SLC6A4: variants seen among roughly 807,000 people sequenced by gnomAD.
SLC6A4 encodes the protein solute carrier family 6 member 4, also known as sodium-dependent serotonin transporter.
SLC6A4 carries 22 observed loss-of-function variants against 73.4 expected under a neutral mutation model. That is an observed-to-expected ratio of 0.30 (90% confidence interval 0.21 to 0.43). The LOEUF (loss-of-function observed/expected upper bound fraction) is 0.43, where lower values mean the gene tolerates loss of function less well. SLC6A4 is among the 20% of genes least tolerant of loss of function. The pLI, the probability that SLC6A4 is intolerant of heterozygous loss-of-function variation, is 1.00. For missense variants in SLC6A4, 593 were observed against 808.5 expected (o/e 0.73, Z 3.23); for synonymous variants, 270 against 315.5 (o/e 0.86, Z 1.53).
intron 1 of SLC6A4, among the ~76,000 whole-genome samples, chr17:30,231,335 T>C (rs1907108205): frequency 6.6e-6 from 1 of 151,138 alleles, no homozygotes; most frequent in African/African-American, 2.4e-5. Context: ...ATACACACTA[T>C]ATATATCTGT....
chr17:30,201,338 C>G (rs1906028892), intron 14 of SLC6A4, among the ~76,000 whole-genome samples: 1 of 152,162 alleles, frequency 6.6e-6, no homozygotes, highest in African/African-American at 2.4e-5. Context: ...TAACCCGCTG[C>G]TCCCCATCTG....
At chr17:30,231,053 A>G (rs1202716040) in intron 1 of SLC6A4, among the ~76,000 whole-genome samples, 3 of 152,178 alleles carry the variant, frequency 2.0e-5, no homozygotes, top group Non-Finnish European at 2.9e-5. Context: ...GTAACACTGT[A>G]TGCTAAAAAG....
intron 2 of SLC6A4, among the ~76,000 whole-genome samples, chr17:30,222,293 A>G (rs148127817): frequency 6.6e-6 from 1 of 152,248 alleles, no homozygotes; most frequent in Non-Finnish European, 1.5e-5. Flanking sequence ...AAGTAATTTC[A>G]AAAGGAAACA....
rs750295534 is a variant in SLC6A4, at chr17:30,203,231, T to C, written c.1759A>G (p.Ile587Val). ...LGYCIGTSSF[I>V]CIPTYIAYRL... ...TAAGCTATATATGTGGGGATGCAAA[T>C]GAAAGATGAGGTTCCTATGCAGTAA... The change falls in exon 14 of 15, where the codon ATT becomes GTT. Residue 587 changes from isoleucine (I) to valine (V), a missense_variant. Transcript: ENST00000650711. 1.9e-6 allele frequency: 3 copies of C among 1,613,546 alleles called. No individual in the cohort carries two copies. The highest frequency in any genetic ancestry group is 1.1e-5 in the South Asian group (1 of 91,062).
At chr17:30,200,930 C>T (rs1485367202) in intron 14 of SLC6A4, among the ~76,000 whole-genome samples, 1 of 152,014 alleles carries the variant, frequency 6.6e-6, no homozygotes, top group Non-Finnish European at 1.5e-5. Context: ...TACAGGTGCC[C>T]GCCACCACAC....
chr17:30,221,669 A>G lies in SLC6A4; in HGVS notation c.290T>C (p.Val97Ala). ...DFLLSVIGYAVDLGNVWRFPY... is the reference protein window; with the variant it reads ...DFLLSVIGYAADLGNVWRFPY... ...GAAGCGCCAGACATTGCCCAGGTCC[A>G]CAGCATAGCCAATCACTGAGAGAAG... Residue 97 changes from valine to alanine, a missense_variant, in exon 3 of 15, where the codon GTG becomes GCG. Coordinates refer to ENST00000650711, the MANE Select transcript of SLC6A4 (RefSeq NM_001045.6). 6.2e-7 allele frequency: 1 copy of G among 1,614,152 alleles called. No homozygotes were observed. The highest frequency in any genetic ancestry group is 8.5e-7 in the Non-Finnish European group (1 of 1,180,008).
chr17:30,222,819 C>T lies in SLC6A4; in HGVS notation c.-124G>A. On this transcript the variant is annotated splice_region_variant and 5_prime_UTR_variant, in exon 2 of 15. The change abolishes an upstream ATG in the 5' untranslated region. Coordinates refer to ENST00000650711, the MANE Select transcript of SLC6A4 (RefSeq NM_001045.6). Reference sequence around the variant, plus strand: ...GTCCTTAAACGGCACTGCTGCTCACCATTTGTTCTTCTTTCCACTTGCCAG... The same window carrying T: ...GTCCTTAAACGGCACTGCTGCTCACTATTTGTTCTTCTTTCCACTTGCCAG... 1 of 1,304,638 alleles carries T rather than the reference C, an allele frequency of 7.7e-7. No homozygotes were observed. The highest frequency in any genetic ancestry group is 1.0e-6 in the Non-Finnish European group (1 of 988,942). The allele number at this position is 1,304,638 out of a possible 1,614,324, so 80.8% of individuals were successfully genotyped here.
Position 30,194,385 on chromosome 17 carries a change from A to C in SLC6A4, c.*4071T>G, listed in dbSNP as rs201183863. The C allele has an allele frequency of 2.0e-5, 3 of 152,148 alleles. No individual in the cohort carries two copies. Among genetic ancestry groups the C allele is most frequent in the Non-Finnish European group, 4.4e-5 (3 of 68,010 alleles). 9.4% of individuals were successfully genotyped at this position (152,148 alleles called of 1,614,324 possible). On this transcript the variant is annotated 3_prime_UTR_variant, in exon 15 of 15. Coordinates refer to ENST00000650711, the MANE Select transcript of SLC6A4 (RefSeq NM_001045.6). ...TGAAATATTTATAAACACTGCATAA[A>C]TGAATACAAGGGCACTGTATGAATT...
At chr17:30,217,732 C>A (rs1327487235) in intron 5 of SLC6A4, among the ~76,000 whole-genome samples, 1 of 152,194 alleles carries the variant, frequency 6.6e-6, no homozygotes, top group African/African-American at 2.4e-5. Flanking sequence ...AAGGGTAGAT[C>A]CCACTTACGA....
At chr17:30,217,335 G>A in intron 5 of SLC6A4, 31 bp from the exon 6 acceptor site, 1 of 1,607,636 alleles carries the variant, frequency 6.2e-7, no homozygotes, top group Non-Finnish European at 8.5e-7. Flanking sequence ...AGGCCCCTGA[G>A]AGGCTCTGTA....
Position 30,217,978 on chromosome 17 carries a change from T to C in SLC6A4, c.698+140A>G, listed in dbSNP as rs1022214772. 8 of 662,606 alleles carry C rather than the reference T, an allele frequency of 1.2e-5. No individual in the cohort carries two copies. In the East Asian group the frequency reaches 2.2e-4, roughly 18 times the overall value. 41.0% of individuals were successfully genotyped at this position (662,606 alleles called of 1,614,324 possible). ...TGAGGTAGAGTTTCCCAGCTCCAAA[T>C]TCTGCTACTCCCACCCCTGATAGCT... On this transcript the variant is annotated intron_variant, in intron 5 of 14. Transcript: ENST00000650711.
intron 8 of SLC6A4, among the ~76,000 whole-genome samples, chr17:30,214,322 T>C (rs189892127): frequency 6.9e-6 from 1 of 145,484 alleles, no homozygotes; most frequent in Non-Finnish European, 1.5e-5. Flanking sequence ...CTCGGGAGGC[T>C]GAGGCAGGAG....
intron 1 of SLC6A4, among the ~76,000 whole-genome samples, chr17:30,230,768 GA>G (rs1370825633): frequency 7.9e-5 from 12 of 152,312 alleles, no homozygotes; most frequent in African/African-American, 2.9e-4. Context: ...GCTGCTGGAG[GA>G]GACGGGTGCA....
intron 11 of SLC6A4, among the ~76,000 whole-genome samples, chr17:30,210,023 C>T (rs993612554): frequency 9.3e-5 from 14 of 151,118 alleles, no homozygotes; most frequent in Non-Finnish European, 1.9e-4. Flanking sequence ...ATCGGGGTCA[C>T]GGCTTAAAGA....
intron 13 of SLC6A4, chr17:30,206,241 C>CAAAAAAAAAAAAAAAA (rs5819882): frequency 9.4e-6 from 1 of 106,564 alleles, no homozygotes; most frequent in Non-Finnish European, 2.0e-5. Context: ...CTCTAAAAGA[C>CAAAAAAAAAAAAAAAA]AAAAAAAAAA....
chr17:30,229,581 T>C (rs1174367710), intron 1 of SLC6A4, among the ~76,000 whole-genome samples: 1 of 152,122 alleles, frequency 6.6e-6, no homozygotes, highest in Non-Finnish European at 1.5e-5. Flanking sequence ...TGTTGTTCAA[T>C]TTTAAAATAC....
Position 30,197,022 on chromosome 17 carries a change from G to A in SLC6A4, c.*1434C>T, listed in dbSNP as rs1392736570. ...ATTTATACAGAGAACTGAAGTGATA[G>A]GTGGCCAGATGATTAAGTCCTTTTG... is the stretch of plus-strand genomic sequence containing the variant. On this transcript the variant is annotated 3_prime_UTR_variant, in exon 15 of 15. Transcript: ENST00000650711. 6.6e-6 allele frequency: 1 copy of A among 152,248 alleles called. No individual in the cohort carries two copies. The highest frequency in any genetic ancestry group is 1.5e-5 in the Non-Finnish European group (1 of 68,022). The allele number at this position is 152,248 out of a possible 1,614,324, so 9.4% of individuals were successfully genotyped here.
chr17:30,226,894 A>G (rs1906947611), intron 1 of SLC6A4, among the ~76,000 whole-genome samples: 1 of 109,676 alleles, frequency 9.1e-6, no homozygotes, highest in Non-Finnish European at 2.0e-5. Context: ...AAAAAGAAAG[A>G]AAAAAGAAAC....
Position 30,194,650 on chromosome 17 carries a change from A to G in SLC6A4, c.*3806T>C, listed in dbSNP as rs1905797567. ...ACACCTTTAATTTTAGAGTGTAAAT[A>G]AGAATAATCTTTCAAAATGCCATTT... On this transcript the variant is annotated 3_prime_UTR_variant, in exon 15 of 15. Coordinates refer to ENST00000650711, the MANE Select transcript of SLC6A4 (RefSeq NM_001045.6). 6.6e-6 allele frequency: 1 copy of G among 152,204 alleles called. No homozygotes were observed. The highest frequency in any genetic ancestry group is 6.5e-5 in the Admixed American group (1 of 15,284). The allele number at this position is 152,204 out of a possible 1,614,324, so 9.4% of individuals were successfully genotyped here. A position where few individuals can be genotyped will look rare whatever the true frequency, so the allele number is the denominator to read the frequency against.
Sources: gnomAD v4.1 joint callset for allele counts (sites outside exome capture counted in the v4.1 genomes callset) on GRCh38, gnomAD v4.1.1 for gene constraint, MANE v1.5 for transcripts, NCBI Gene and HGNC (gene_info 2026-07-23, HGNC 2026-07-21) for gene names.